The following FSTL5 variants were observed in gnomAD, a reference collection of about 807,000 sequenced individuals.
FSTL5 encodes follistatin like 5, also known as follistatin-related protein 5.
A neutral mutation model predicts 89.1 loss-of-function variants in FSTL5; 62 were observed. The observed-to-expected ratio is 0.70, with a 90% CI of 0.57 to 0.86. The LOEUF (loss-of-function observed/expected upper bound fraction) is 0.86, where lower values mean the gene tolerates loss of function less well. Among genes scored for constraint, FSTL5 ranks in the 40% least tolerant of loss-of-function variants. The pLI is 0.00. For missense variants in FSTL5, 1,057 were observed against 1,001.6 expected (o/e 1.06, Z -0.75); for synonymous variants, 383 against 346.2 (o/e 1.11, Z -1.18).
chr4:162,093,777 C>T (rs4691813), intron 2 of FSTL5, among the ~76,000 whole-genome samples: 116,141 of 152,054 alleles, frequency 0.76, 45,196 homozygotes, highest in Non-Finnish European at 0.84. Context: ...AATTTACAAT[C>T]GAATAATGAC....
intron 4 of FSTL5, among the ~76,000 whole-genome samples, chr4:161,793,485 G>A (rs765840585): frequency 2.6e-5 from 4 of 152,206 alleles, no homozygotes; most frequent in South Asian, 2.1e-4. Flanking sequence ...GGAGGCTGAT[G>A]TAACACTGAT....
In FSTL5 at chr4:161,648,415, C is replaced by A. The variant is rs149285125; in HGVS notation, c.894+7913G>T. On this transcript the variant is annotated intron_variant, in intron 7 of 15. Coordinates refer to ENST00000306100, the MANE Select transcript of FSTL5 (RefSeq NM_020116.5). ...GAAGAAGTGAGCCACAGCCCCATCG[C>A]ACACCCTGTTAAGTGGACAAGGGAA... Among the ~76,000 whole-genome samples the A allele has an allele frequency of 6.0e-3, 913 of 152,224 alleles. 10 individuals are homozygous for A. Among genetic ancestry groups the A allele is most frequent in the South Asian group, 0.045 (219 of 4,822 alleles).
At chr4:161,803,538 G>A (rs932298653) in intron 4 of FSTL5, among the ~76,000 whole-genome samples, 16 of 151,848 alleles carry the variant, frequency 1.1e-4, no homozygotes, top group African/African-American at 3.6e-4. Context: ...ATAACTAGAT[G>A]TTTATTAGTT....
intron 6 of FSTL5, among the ~76,000 whole-genome samples, chr4:161,673,585 G>A (rs901594666): frequency 2.6e-5 from 4 of 151,940 alleles, no homozygotes; most frequent in Admixed American, 2.0e-4. Flanking sequence ...AAAAGAATGA[G>A]TACAACTCAC....
intron 1 of FSTL5, among the ~76,000 whole-genome samples, chr4:162,123,096 T>G (rs1731933782): frequency 6.6e-6 from 1 of 152,160 alleles, no homozygotes; most frequent in Non-Finnish European, 1.5e-5. Flanking sequence ...TTTGTCAATG[T>G]CAGACAGATT....
chr4:161,610,316 C>A (rs957568967), intron 7 of FSTL5, among the ~76,000 whole-genome samples: 28 of 152,090 alleles, frequency 1.8e-4, no homozygotes, highest in African/African-American at 6.8e-4. Context: ...AAACTGTAGT[C>A]TTTATTATAG....
At chr4:161,423,114 G>T (rs1451736545) in intron 15 of FSTL5, among the ~76,000 whole-genome samples, 1 of 152,006 alleles carries the variant, frequency 6.6e-6, no homozygotes, top group Admixed American at 6.5e-5. Flanking sequence ...AACTGATGAG[G>T]CTTAAAACTC....
At chr4:161,543,947 T>C (rs1268952722) in intron 8 of FSTL5, among the ~76,000 whole-genome samples, 2 of 151,892 alleles carry the variant, frequency 1.3e-5, no homozygotes, top group East Asian at 3.9e-4. Context: ...TAAAAAAGTA[T>C]AAACACAACC....
chr4:161,620,274 G>A (rs995938742), intron 7 of FSTL5, among the ~76,000 whole-genome samples: 4 of 151,706 alleles, frequency 2.6e-5, no homozygotes, highest in Non-Finnish European at 5.9e-5. Context: ...CACCAGCATG[G>A]CACATGTATA....
chr4:161,792,787 C>A (rs1050294275), intron 4 of FSTL5, among the ~76,000 whole-genome samples: 1 of 152,178 alleles, frequency 6.6e-6, no homozygotes, highest in African/African-American at 2.4e-5. Context: ...GCCTTGCTTA[C>A]CCTCCAGTTG....
At chr4:161,846,394 T>G (rs1242204797) in intron 4 of FSTL5, among the ~76,000 whole-genome samples, 1 of 152,142 alleles carries the variant, frequency 6.6e-6, no homozygotes, top group Non-Finnish European at 1.5e-5. Context: ...GACAATATAT[T>G]AATGACTTAA....
In FSTL5 at chr4:161,474,694, C is replaced by T. The variant is rs573978206; in HGVS notation, c.1608+6326G>A. Among the ~76,000 whole-genome samples the T allele has an allele frequency of 4.3e-4, 65 of 151,878 alleles. 1 individual carries two copies. Among genetic ancestry groups the T allele is most frequent in the East Asian group, 1.9e-3 (10 of 5,148 alleles). ...CTAAGTAGCTGGGACTACAGGCACC[C>T]GCCACCACGCCTGGCTAATTTTTCG... On this transcript the variant is annotated intron_variant, in intron 13 of 15. Transcript: ENST00000306100.
intron 2 of FSTL5, among the ~76,000 whole-genome samples, chr4:162,052,548 T>C (rs975549077): frequency 2.6e-5 from 4 of 151,666 alleles, no homozygotes; most frequent in Admixed American, 1.3e-4. Flanking sequence ...AGCTTAGAAA[T>C]TCTTCTAAGT....
At chr4:161,492,883 C>A (rs1729929929) in intron 12 of FSTL5, among the ~76,000 whole-genome samples, 1 of 151,764 alleles carries the variant, frequency 6.6e-6, no homozygotes, top group African/African-American at 2.4e-5. Context: ...TTTTTAAATA[C>A]TGAAGAGTTA....
chr4:162,040,054 A>G (rs1252276258), intron 2 of FSTL5, among the ~76,000 whole-genome samples: 2 of 152,070 alleles, frequency 1.3e-5, no homozygotes, highest in Non-Finnish European at 2.9e-5. Flanking sequence ...GGAAATATAC[A>G]TAGAGGTAAA....
intron 6 of FSTL5, among the ~76,000 whole-genome samples, chr4:161,691,958 T>A (rs1409180669): frequency 6.6e-6 from 1 of 152,086 alleles, no homozygotes; most frequent in Non-Finnish European, 1.5e-5. Flanking sequence ...CACATATATG[T>A]ATATACACAA....
intron 6 of FSTL5, among the ~76,000 whole-genome samples, chr4:161,689,459 AATT>A (rs1162730365): frequency 2.4e-4 from 36 of 152,260 alleles, no homozygotes; most frequent in African/African-American, 8.4e-4. Context: ...ATCTTATTTA[AATT>A]ATTATACTAA....
intron 2 of FSTL5, among the ~76,000 whole-genome samples, chr4:162,077,085 T>C (rs913388158): frequency 6.6e-6 from 1 of 151,304 alleles, no homozygotes; most frequent in Non-Finnish European, 1.5e-5. Flanking sequence ...CACTAGGTAA[T>C]TTATAACAAA....
chr4:161,513,272 G>GAGA (rs1730707497), intron 10 of FSTL5, among the ~76,000 whole-genome samples: 1 of 109,978 alleles, frequency 9.1e-6, no homozygotes, highest in Admixed American at 1.1e-4. Context: ...ACAAGGAGGG[G>GAGA]GAGAGAGAGA....
Sources: allele counts gnomAD v4.1 joint callset (sites outside exome capture counted in the v4.1 genomes callset), GRCh38; gene constraint gnomAD v4.1.1; transcripts MANE v1.5; gene names NCBI Gene and HGNC (gene_info 2026-07-23, HGNC 2026-07-21).